Variants in BTRC observed in about 807,000 individuals in gnomAD.
The protein encoded by BTRC is beta-transducin repeat containing E3 ubiquitin protein ligase.
In BTRC, 42 loss-of-function variants were observed where a neutral mutation model predicts 85.5. That is an observed-to-expected ratio of 0.49 (90% confidence interval 0.38 to 0.64). BTRC has a LOEUF of 0.64. Among genes scored for constraint, BTRC ranks in the 30% least tolerant of loss-of-function variants. The pLI, the probability that BTRC is intolerant of heterozygous loss-of-function variation, is 0.00. For synonymous variants in BTRC, 255 were observed against 263.3 expected (o/e 0.97, Z 0.30); for missense variants, 594 against 743.5 (o/e 0.80, Z 2.34).
intron 3 of BTRC, among the ~76,000 whole-genome samples, chr10:101,472,081 A>T (rs547248120): frequency 2.0e-5 from 3 of 152,292 alleles, no homozygotes; most frequent in South Asian, 2.1e-4. Context: ...AATGGTATTT[A>T]AAAACCAAGA....
At chr10:101,452,401 A>G (rs183912927) in intron 2 of BTRC, among the ~76,000 whole-genome samples, 27 of 152,356 alleles carry the variant, frequency 1.8e-4, no homozygotes, top group African/African-American at 5.8e-4. Flanking sequence ...CCATCTGCCA[A>G]CCAGATTGGA....
intron 1 of BTRC, among the ~76,000 whole-genome samples, chr10:101,409,381 T>TTTTGAGGTTTA (rs1256221176): frequency 6.6e-6 from 1 of 152,226 alleles, no homozygotes; most frequent in Non-Finnish European, 1.5e-5. Flanking sequence ...GGTTTAGTCA[T>TTTTGAGGTTTA]GTTATAGCAT....
chr10:101,420,317 C>T (rs1257257681), intron 1 of BTRC, among the ~76,000 whole-genome samples: 10 of 152,018 alleles, frequency 6.6e-5, no homozygotes, highest in Non-Finnish European at 2.9e-5. Flanking sequence ...TGACATATCT[C>T]TCGCTCCATT....
intron 2 of BTRC, among the ~76,000 whole-genome samples, chr10:101,449,573 A>T (rs1206087395): frequency 5.3e-5 from 8 of 152,140 alleles, no homozygotes. Flanking sequence ...TCCAAAACAC[A>T]TAATCGTGAA....
intron 4 of BTRC, among the ~76,000 whole-genome samples, chr10:101,508,516 C>T (rs1946599821): frequency 6.6e-6 from 1 of 152,072 alleles, no homozygotes; most frequent in African/African-American, 2.4e-5. Flanking sequence ...ATGTGTGCCC[C>T]ATTCTATATG....
rs1428884328 is a variant in BTRC, at chr10:101,554,315, C to A, written c.*1192C>A. 2.0e-5 allele frequency: 3 copies of A among 152,230 alleles called. No individual in the cohort carries two copies. The highest frequency in any genetic ancestry group is 7.2e-5 in the African/African-American group (3 of 41,456). The allele number at this position is 152,230 out of a possible 1,614,324, so 9.4% of individuals were successfully genotyped here. ...GCGTAATGGTTTCCATCTCCGATTT[C>A]CTCATCAGGGCCTGTGAATACCCAG... On this transcript the variant is annotated 3_prime_UTR_variant, in exon 15 of 15. Coordinates refer to ENST00000370187, the MANE Select transcript of BTRC (RefSeq NM_033637.4).
At chr10:101,509,178 CCATTCTAAT>C (rs143643543) in intron 4 of BTRC, among the ~76,000 whole-genome samples, 2,362 of 150,524 alleles carry the variant, frequency 0.016, 68 homozygotes, top group African/African-American at 0.055. Flanking sequence ...TTATCTCTTT[CCATTCTAAT>C]CAAAGTGTAA....
At chr10:101,475,835 G>T (rs1378273988) in intron 3 of BTRC, among the ~76,000 whole-genome samples, 4 of 146,520 alleles carry the variant, frequency 2.7e-5, no homozygotes, top group African/African-American at 1.0e-4. Context: ...ATTACCATAG[G>T]CATGATTAGC....
chr10:101,379,971 C>CTT (rs1288471057), intron 1 of BTRC, among the ~76,000 whole-genome samples: 1 of 152,148 alleles, frequency 6.6e-6, no homozygotes, highest in Non-Finnish European at 1.5e-5. Context: ...AATATCAAAG[C>CTT]TTTGCAAAGT....
chr10:101,400,750 A>G (rs902287561), intron 1 of BTRC, among the ~76,000 whole-genome samples: 16 of 152,258 alleles, frequency 1.1e-4, no homozygotes, highest in Non-Finnish European at 4.4e-5. Context: ...ATGAACAAAC[A>G]TGTAAATCCA....
At chr10:101,491,427 G>C (rs1946130240) in intron 4 of BTRC, among the ~76,000 whole-genome samples, 1 of 151,974 alleles carries the variant, frequency 6.6e-6, no homozygotes, top group Non-Finnish European at 1.5e-5. Context: ...GCCTGGTTCG[G>C]CTCACACTTG....
intron 4 of BTRC, among the ~76,000 whole-genome samples, chr10:101,489,742 A>G (rs1351984314): frequency 6.6e-6 from 1 of 152,196 alleles, no homozygotes; most frequent in Admixed American, 6.5e-5. Flanking sequence ...CTAAAAGGAA[A>G]GTTTCATCTG....
chr10:101,520,328 C>T (rs185345743), intron 4 of BTRC, among the ~76,000 whole-genome samples: 2 of 152,122 alleles, frequency 1.3e-5, no homozygotes, highest in African/African-American at 4.8e-5. Context: ...GCTGGGATTA[C>T]AGGTATAAGC....
chr10:101,407,137 C>T (rs1943648780), intron 1 of BTRC, among the ~76,000 whole-genome samples: 1 of 152,058 alleles, frequency 6.6e-6, no homozygotes, highest in African/African-American at 2.4e-5. Context: ...GTGGGAGGAT[C>T]AGTTGAGGCC....
intron 4 of BTRC, among the ~76,000 whole-genome samples, chr10:101,490,217 C>G (rs1215867864): frequency 6.6e-6 from 1 of 151,516 alleles, no homozygotes; most frequent in Non-Finnish European, 1.5e-5. Flanking sequence ...TCTTCCCTCC[C>G]TCACTCCCTC....
At chr10:101,517,798 AG>A (rs1382972254) in intron 4 of BTRC, among the ~76,000 whole-genome samples, 2 of 152,106 alleles carry the variant, frequency 1.3e-5, no homozygotes, top group Non-Finnish European at 2.9e-5. Context: ...CAAATTCAGT[AG>A]GATCTGTCTT....
chr10:101,449,579 G>A (rs7098584), intron 2 of BTRC, among the ~76,000 whole-genome samples: 10,133 of 152,122 alleles, frequency 0.067, 356 homozygotes, highest in Non-Finnish European at 0.074. Context: ...ACACATAATC[G>A]TGAAGGTAAT....
chr10:101,496,931 CTTAAT>C (rs1265031046), intron 4 of BTRC, among the ~76,000 whole-genome samples: 4 of 152,252 alleles, frequency 2.6e-5, no homozygotes, highest in African/African-American at 4.8e-5. Flanking sequence ...AACAGAGGTT[CTTAAT>C]TTAAGAGTCC....
At chr10:101,547,736 A>G (rs2062581644) in intron 13 of BTRC, among the ~76,000 whole-genome samples, 1 of 152,148 alleles carries the variant, frequency 6.6e-6, no homozygotes, top group Non-Finnish European at 1.5e-5. Context: ...GTAACTCTGA[A>G]ATTTTTTAAA....
Sources: allele counts gnomAD v4.1 joint callset (sites outside exome capture counted in the v4.1 genomes callset), GRCh38; gene constraint gnomAD v4.1.1; transcripts MANE v1.5; gene names NCBI Gene and HGNC (gene_info 2026-07-23, HGNC 2026-07-21).